The following CAMSAP1 variants were observed in gnomAD, a reference collection of about 807,000 sequenced individuals.
The protein encoded by CAMSAP1 is calmodulin-regulated spectrin-associated protein 1.
In CAMSAP1, 58 loss-of-function variants were observed where a neutral mutation model predicts 143.5. The ratio of observed to expected loss-of-function variants is 0.40; its 90% CI spans 0.33 to 0.50. The LOEUF (loss-of-function observed/expected upper bound fraction) is 0.50. Ranked by LOEUF, CAMSAP1 falls within the 20% of genes least tolerant of loss-of-function variation. The pLI, the probability that CAMSAP1 is intolerant of heterozygous loss-of-function variation, is 0.45. For missense variants in CAMSAP1, 1,969 were observed against 2,115.7 expected (o/e 0.93, Z 1.36); for synonymous variants, 945 against 859.3 (o/e 1.10, Z -1.74).
rs980551296 is a variant in CAMSAP1, at chr9:135,869,678, C to T, written c.586-3142G>A. On this transcript the variant is annotated intron_variant, in intron 3 of 16. Transcript: ENST00000389532. ...TGAATACATGACCCAGCAATTCCAC[C>T]CCAGGTACATACCCAAGAAAAATGA... Among the ~76,000 whole-genome samples the T allele has an allele frequency of 2.0e-5, 3 of 152,056 alleles. No homozygotes were observed. In the East Asian group the frequency reaches 5.8e-4, roughly 29 times the overall value.
chr9:135,857,310 C>G (rs532767218), intron 5 of CAMSAP1, among the ~76,000 whole-genome samples: 3 of 152,138 alleles, frequency 2.0e-5, no homozygotes, highest in Non-Finnish European at 2.9e-5. Flanking sequence ...CATCTCTTTG[C>G]TTTTCTGGTT....
intron 1 of CAMSAP1, among the ~76,000 whole-genome samples, chr9:135,884,557 G>A (rs913249931): frequency 2.0e-5 from 3 of 152,166 alleles, no homozygotes; most frequent in African/African-American, 4.8e-5. Flanking sequence ...AGGTCATCAC[G>A]GCAACCCAAG....
intron 1 of CAMSAP1, among the ~76,000 whole-genome samples, chr9:135,887,189 T>C (rs1328365640): frequency 1.3e-5 from 2 of 151,992 alleles, no homozygotes; most frequent in African/African-American, 4.8e-5. Context: ...ACGGGACAGA[T>C]GTCGGGAGAG....
intron 3 of CAMSAP1, among the ~76,000 whole-genome samples, chr9:135,874,775 G>C (rs763890167): frequency 1.3e-5 from 2 of 151,930 alleles, no homozygotes; most frequent in African/African-American, 2.4e-5. Flanking sequence ...AAATCTTAAG[G>C]AATTTTCTCA....
intron 7 of CAMSAP1, among the ~76,000 whole-genome samples, chr9:135,829,340 G>GAAA (rs58931804): frequency 7.5e-6 from 1 of 134,150 alleles, no homozygotes; most frequent in African/African-American, 2.7e-5. Context: ...CATCTCTACT[G>GAAA]AAAAAAAAAA....
chr9:135,888,935 C>T (rs1838210117), intron 1 of CAMSAP1, among the ~76,000 whole-genome samples: 2 of 152,352 alleles, frequency 1.3e-5, no homozygotes, highest in East Asian at 3.9e-4. Flanking sequence ...CCCCACAGGG[C>T]GCTGGCCCGG....
At chr9:135,893,522 G>A (rs1838354230) in intron 1 of CAMSAP1, among the ~76,000 whole-genome samples, 1 of 152,170 alleles carries the variant, frequency 6.6e-6, no homozygotes, top group Admixed American at 6.5e-5. Context: ...ATTAGATACA[G>A]ATAAGAGAAT....
intron 5 of CAMSAP1, among the ~76,000 whole-genome samples, chr9:135,856,722 G>C (rs975344426): frequency 1.5e-4 from 23 of 152,214 alleles, no homozygotes; most frequent in African/African-American, 5.5e-4. Flanking sequence ...ATCTTCCACA[G>C]CTGGGTTACA....
chr9:135,902,213 CAG>C (rs1185004956), intron 1 of CAMSAP1, among the ~76,000 whole-genome samples: 1 of 152,222 alleles, frequency 6.6e-6, no homozygotes, highest in Non-Finnish European at 1.5e-5. Flanking sequence ...ACCCCCATGT[CAG>C]AAACACCCAA....
chr9:135,887,893 G>A (rs1256444081), intron 1 of CAMSAP1, among the ~76,000 whole-genome samples: 1 of 152,228 alleles, frequency 6.6e-6, no homozygotes, highest in Non-Finnish European at 1.5e-5. Context: ...GTACCCATGA[G>A]CAACGCATTC....
chr9:135,896,129 A>T (rs1326266560), intron 1 of CAMSAP1, among the ~76,000 whole-genome samples: 1 of 152,244 alleles, frequency 6.6e-6, no homozygotes, highest in Non-Finnish European at 1.5e-5. Flanking sequence ...AGGGTAGATT[A>T]AAAAACATAA....
intron 5 of CAMSAP1, among the ~76,000 whole-genome samples, chr9:135,855,747 TTAAA>T (rs1836935281): frequency 9.3e-6 from 1 of 107,334 alleles, no homozygotes; most frequent in African/African-American, 4.1e-5. Context: ...TCATCTCAAT[TTAAA>T]AAAAAAAAAA....
At chr9:135,861,682 T>C (rs1489073928) in intron 5 of CAMSAP1, among the ~76,000 whole-genome samples, 1 of 152,158 alleles carries the variant, frequency 6.6e-6, no homozygotes, top group Non-Finnish European at 1.5e-5. Context: ...TTACGCCCAG[T>C]AGGAACAAGA....
chr9:135,849,700 G>C (rs1376492618), intron 7 of CAMSAP1, among the ~76,000 whole-genome samples: 1 of 152,006 alleles, frequency 6.6e-6, no homozygotes, highest in Non-Finnish European at 1.5e-5. Context: ...CTTTAATGTT[G>C]CTGAATTTGC....
At chr9:135,855,975 C>A (rs936325780) in intron 5 of CAMSAP1, among the ~76,000 whole-genome samples, 30 of 151,666 alleles carry the variant, frequency 2.0e-4, no homozygotes, top group Non-Finnish European at 3.1e-4. Flanking sequence ...TGGCGTGAAC[C>A]TGGGAGGTGG....
At chr9:135,886,705 C>A (rs1838134317) in intron 1 of CAMSAP1, among the ~76,000 whole-genome samples, 1 of 152,202 alleles carries the variant, frequency 6.6e-6, no homozygotes, top group South Asian at 2.1e-4. Context: ...GAGATCCCAT[C>A]TGCTGGAGCT....
intron 3 of CAMSAP1, among the ~76,000 whole-genome samples, chr9:135,878,076 G>A (rs1363472956): frequency 6.6e-6 from 1 of 152,224 alleles, no homozygotes; most frequent in Non-Finnish European, 1.5e-5. Flanking sequence ...ACCAGGGAAA[G>A]GTGGAGGAAG....
At chr9:135,849,503 C>CTTTTGCCTT (rs1355443549) in intron 7 of CAMSAP1, among the ~76,000 whole-genome samples, 1 of 152,170 alleles carries the variant, frequency 6.6e-6, no homozygotes, top group Non-Finnish European at 1.5e-5. Context: ...AGAATCTGTT[C>CTTTTGCCTT]TTTTGCCTTT....
At chr9:135,861,253 A>T (rs1337719909) in intron 5 of CAMSAP1, among the ~76,000 whole-genome samples, 1 of 151,428 alleles carries the variant, frequency 6.6e-6, no homozygotes, top group Non-Finnish European at 1.5e-5. Context: ...TCCACTCATG[A>T]GTTTTCACTC....
Sources: allele counts gnomAD v4.1 joint callset (sites outside exome capture counted in the v4.1 genomes callset), GRCh38; gene constraint gnomAD v4.1.1; transcripts MANE v1.5; gene names NCBI Gene and HGNC (gene_info 2026-07-23, HGNC 2026-07-21).